The following DDX10 variants were observed in gnomAD, a reference collection of about 807,000 sequenced individuals.
DDX10 encodes probable ATP-dependent RNA helicase DDX10.
In DDX10, 74 loss-of-function variants were observed where a neutral mutation model predicts 104.3. That is an observed-to-expected ratio of 0.71 (90% CI 0.59 to 0.86). DDX10 has a LOEUF of 0.86. DDX10 is among the 40% of genes least tolerant of loss of function. The probability of loss-of-function intolerance (pLI) is 0.00; values close to 1 mark genes in which losing one functional copy is unlikely to be tolerated. For synonymous variants in DDX10, 351 were observed against 353.4 expected (o/e 0.99, Z 0.08); for missense variants, 952 against 1,040.0 (o/e 0.92, Z 1.16).
At chr11:108,737,742 C>A (rs894343782) in intron 13 of DDX10, among the ~76,000 whole-genome samples, 1 of 152,156 alleles carries the variant, frequency 6.6e-6, no homozygotes, top group African/African-American at 2.4e-5. Flanking sequence ...TATTCTCTCT[C>A]CACCTCTTTC....
At chr11:108,738,865 T>G (rs1241755977) in intron 13 of DDX10, among the ~76,000 whole-genome samples, 1 of 152,140 alleles carries the variant, frequency 6.6e-6, no homozygotes, top group Non-Finnish European at 1.5e-5. Context: ...GAAGTTTGCA[T>G]TGACTCCCCT....
chr11:108,937,982 C>T (rs2134680738), intron 17 of DDX10, among the ~76,000 whole-genome samples: 1 of 152,290 alleles, frequency 6.6e-6, no homozygotes, highest in South Asian at 2.1e-4. Flanking sequence ...AGATAAAATG[C>T]AGAGCTCAGG....
At chr11:108,887,083 C>T (rs1863305406) in intron 16 of DDX10, among the ~76,000 whole-genome samples, 1 of 152,068 alleles carries the variant, frequency 6.6e-6, no homozygotes, top group South Asian at 2.1e-4. Context: ...TAATTAACTC[C>T]TTATTTCCAT....
At chr11:108,843,391 CTT>C (rs71050891) in intron 15 of DDX10, among the ~76,000 whole-genome samples, 1 of 137,742 alleles carries the variant, frequency 7.3e-6, no homozygotes, top group Admixed American at 7.3e-5. Context: ...CTTGCACATC[CTT>C]TTTTTTTTTT....
chr11:108,726,828 T>C (rs2094305947), intron 13 of DDX10, among the ~76,000 whole-genome samples: 1 of 152,072 alleles, frequency 6.6e-6, no homozygotes, highest in Non-Finnish European at 1.5e-5. Context: ...TAAGTTTTTT[T>C]TGTAAATGCC....
intron 13 of DDX10, among the ~76,000 whole-genome samples, chr11:108,774,432 C>G (rs1193524251): frequency 6.6e-6 from 1 of 152,146 alleles, no homozygotes; most frequent in Admixed American, 6.5e-5. Context: ...TTATTTCTTG[C>G]ATGTTTTAAA....
intron 6 of DDX10, among the ~76,000 whole-genome samples, chr11:108,684,108 G>T: frequency 9.2e-6 from 1 of 108,778 alleles, no homozygotes; most frequent in Admixed American, 8.6e-5. Flanking sequence ...CTTGCTTTCT[G>T]GTGTTCTAAG....
At chr11:108,714,083 G>C (rs1233388627) in intron 10 of DDX10, among the ~76,000 whole-genome samples, 2 of 152,132 alleles carry the variant, frequency 1.3e-5, no homozygotes, top group Non-Finnish European at 2.9e-5. Flanking sequence ...ATTTCAAAAT[G>C]GTTCATTTTC....
chr11:108,703,484 C>G (rs1464216241), intron 9 of DDX10, among the ~76,000 whole-genome samples: 1 of 152,090 alleles, frequency 6.6e-6, no homozygotes, highest in African/African-American at 2.4e-5. Context: ...CGTGTGCCAC[C>G]ACTCCCAGCT....
chr11:108,865,269 G>T (rs570232250), intron 16 of DDX10, among the ~76,000 whole-genome samples: 1 of 152,248 alleles, frequency 6.6e-6, no homozygotes, highest in East Asian at 1.9e-4. Context: ...TCACTGTGTG[G>T]CCTTGAGCAA....
At chr11:108,674,470 A>G (rs1288928075) in intron 2 of DDX10, among the ~76,000 whole-genome samples, 4 of 151,980 alleles carry the variant, frequency 2.6e-5, no homozygotes, top group Non-Finnish European at 5.9e-5. Flanking sequence ...GTATATTTTA[A>G]TTAACTATAG....
At chr11:108,679,033 A>G (rs982266194) in intron 5 of DDX10, among the ~76,000 whole-genome samples, 2 of 151,518 alleles carry the variant, frequency 1.3e-5, no homozygotes, top group African/African-American at 4.8e-5. Flanking sequence ...TAATTTTTGT[A>G]TTTTTAGTAG....
chr11:108,802,037 T>TGTGTGTGTC (rs768935906), intron 13 of DDX10, among the ~76,000 whole-genome samples: 1 of 79,212 alleles, frequency 1.3e-5, no homozygotes, highest in African/African-American at 4.0e-5. Context: ...GTGTGTGTGT[T>TGTGTGTGTC]TGTGTGTATG....
At chr11:108,879,484 T>C (rs1465309370) in intron 16 of DDX10, among the ~76,000 whole-genome samples, 1 of 152,216 alleles carries the variant, frequency 6.6e-6, no homozygotes. Flanking sequence ...CCTAAAATGG[T>C]AATTTCTACA....
intron 13 of DDX10, among the ~76,000 whole-genome samples, chr11:108,809,493 G>A (rs1297621784): frequency 1.3e-5 from 2 of 152,168 alleles, no homozygotes; most frequent in Non-Finnish European, 2.9e-5. Context: ...CATCATCTTT[G>A]GGTAAGAAAG....
chr11:108,919,208 A>G (rs1456328518), intron 17 of DDX10: 1 of 152,202 alleles, frequency 6.6e-6, no homozygotes, highest in Non-Finnish European at 1.5e-5. Flanking sequence ...TTGGACAACT[A>G]GGTGGTTGAA....
At chr11:108,864,480 A>T (rs1159335643) in intron 16 of DDX10, among the ~76,000 whole-genome samples, 1 of 151,962 alleles carries the variant, frequency 6.6e-6, no homozygotes, top group African/African-American at 2.4e-5. Context: ...ATAAACTTCT[A>T]TACTTTTTTG....
intron 2 of DDX10, among the ~76,000 whole-genome samples, chr11:108,673,849 T>C (rs2094220331): frequency 6.6e-6 from 1 of 152,218 alleles, no homozygotes; most frequent in Non-Finnish European, 1.5e-5. Flanking sequence ...AATATCAGAC[T>C]GAGTGGCTTA....
intron 16 of DDX10, among the ~76,000 whole-genome samples, chr11:108,897,550 C>T (rs759598988): frequency 6.6e-6 from 1 of 152,156 alleles, no homozygotes; most frequent in Non-Finnish European, 1.5e-5. Flanking sequence ...AACTTCTAGG[C>T]CGCCAAGGTG....
Sources: allele counts gnomAD v4.1 joint callset (sites outside exome capture counted in the v4.1 genomes callset), GRCh38; gene constraint gnomAD v4.1.1; transcripts MANE v1.5; gene names NCBI Gene and HGNC (gene_info 2026-07-23, HGNC 2026-07-21).